The following FAM184A variants were observed in gnomAD, a reference collection of about 807,000 sequenced individuals.
FAM184A encodes family with sequence similarity 184 member A.
Under a neutral mutation model 143.8 loss-of-function variants are expected in FAM184A, and 99 were observed. The observed-to-expected ratio is 0.69, with a 90% CI of 0.58 to 0.81. The LOEUF is 0.81. Ranked by LOEUF, FAM184A falls within the 40% of genes least tolerant of loss-of-function variation. The pLI is 0.00. For missense variants in FAM184A, 1,217 were observed against 1,310.5 expected (o/e 0.93, Z 1.10); for synonymous variants, 427 against 446.4 (o/e 0.96, Z 0.55).
At chr6:119,140,696 C>A (rs1380365420) in intron 1 of FAM184A, among the ~76,000 whole-genome samples, 1 of 152,202 alleles carries the variant, frequency 6.6e-6, no homozygotes, top group Admixed American at 6.5e-5. Flanking sequence ...ACAGAGGCTG[C>A]TTCTGCCAGA....
intron 1 of FAM184A, among the ~76,000 whole-genome samples, chr6:119,099,105 C>T (rs1303486946): frequency 2.0e-5 from 3 of 152,222 alleles, no homozygotes; most frequent in African/African-American, 7.2e-5. Flanking sequence ...AGCAAAACTC[C>T]GTATCAAGAA....
intron 1 of FAM184A, among the ~76,000 whole-genome samples, chr6:119,062,653 C>G (rs573500976): frequency 2.0e-5 from 3 of 151,962 alleles, no homozygotes; most frequent in African/African-American, 7.3e-5. Flanking sequence ...GAGAGAGACC[C>G]TATCTCAAAA....
At chr6:119,112,565 C>T (rs1788960651) in intron 1 of FAM184A, among the ~76,000 whole-genome samples, 1 of 152,206 alleles carries the variant, frequency 6.6e-6, no homozygotes, top group Admixed American at 6.5e-5. Context: ...AGAGCAGTCT[C>T]CTTTATCCTT....
chr6:119,061,368 T>C (rs1261842790), intron 1 of FAM184A, among the ~76,000 whole-genome samples: 1 of 151,860 alleles, frequency 6.6e-6, no homozygotes, highest in Non-Finnish European at 1.5e-5. Context: ...TTCTTTTTTT[T>C]TAATAGAGAC....
intron 1 of FAM184A, among the ~76,000 whole-genome samples, chr6:119,065,380 A>G (rs534231162): frequency 6.6e-6 from 1 of 152,314 alleles, no homozygotes; most frequent in African/African-American, 2.4e-5. Context: ...GCTTGAATGC[A>G]ACCTCATGAG....
In FAM184A at chr6:119,016,769, C is replaced by T. The variant is rs200619083; in HGVS notation, c.1508G>A (p.Arg503Lys). The T allele has an allele frequency of 6.2e-7, 1 of 1,613,940 alleles. No individual in the cohort carries two copies. The highest frequency in any genetic ancestry group is 8.5e-7 in the Non-Finnish European group (1 of 1,179,944). ...CACCATTTGCAGTTTTTTCTTATCC[C>T]TAATTGCATTACTGTGGACAGCTTC... ...AIEAVHSNAI[R>K]DKKKLQMDLE... Residue 503 changes from arginine (R) to lysine (K), a missense_variant, in exon 5 of 18, where the codon AGG (arginine) becomes AAG (lysine). Arg to Lys is a conservative substitution (Grantham distance 26). Coordinates refer to ENST00000338891, the MANE Select transcript of FAM184A (RefSeq NM_024581.6).
chr6:118,992,789 G>A (rs1327284623), intron 9 of FAM184A, among the ~76,000 whole-genome samples: 1 of 152,102 alleles, frequency 6.6e-6, no homozygotes, highest in African/African-American at 2.4e-5. Context: ...AAATTAGCTG[G>A]CATAGTGGCA....
At chr6:119,122,938 A>G (rs1789263793) in intron 1 of FAM184A, among the ~76,000 whole-genome samples, 1 of 30,416 alleles carries the variant, frequency 3.3e-5, no homozygotes, top group African/African-American at 9.7e-5. Context: ...AAAAAAAAAA[A>G]AAAAAAAAAA....
intron 5 of FAM184A, among the ~76,000 whole-genome samples, chr6:119,012,239 A>G (rs1474775823): frequency 6.6e-6 from 1 of 152,218 alleles, no homozygotes; most frequent in Non-Finnish European, 1.5e-5. Context: ...CAAGCAGTTC[A>G]ATATTTCTGT....
chr6:118,978,007 A>G (rs1783898217), intron 11 of FAM184A, among the ~76,000 whole-genome samples: 2 of 152,188 alleles, frequency 1.3e-5, no homozygotes, highest in Admixed American at 1.3e-4. Context: ...CTTGTTGCCC[A>G]GGCTGGAATG....
At chr6:119,002,728 T>C (rs932858179) in intron 9 of FAM184A, among the ~76,000 whole-genome samples, 171 bp downstream of exon 9, 1 of 152,180 alleles carries the variant, frequency 6.6e-6, no homozygotes, top group Non-Finnish European at 1.5e-5. Flanking sequence ...TTTAGCAAAA[T>C]GTTTTATAAG....
upstream of FAM184A, among the ~76,000 whole-genome samples, chr6:119,082,195 A>T (rs888404483): frequency 6.6e-6 from 1 of 152,026 alleles, no homozygotes; most frequent in African/African-American, 2.4e-5. Flanking sequence ...CCTTCCCAGC[A>T]CTTTCCTTCT....
intron 1 of FAM184A, among the ~76,000 whole-genome samples, chr6:119,034,043 GAGAGAGAGAGAGAGA>G (rs1562482658): frequency 7.3e-4 from 17 of 23,320 alleles, no homozygotes; most frequent in Non-Finnish European, 1.1e-3. Flanking sequence ...TATATATATA[GAGAGAGAGAGAGAGA>G]GAGAGAGAGA....
intron 1 of FAM184A, among the ~76,000 whole-genome samples, chr6:119,045,631 G>A (rs1018865823): frequency 2.0e-5 from 3 of 152,146 alleles, no homozygotes; most frequent in African/African-American, 4.8e-5. Context: ...CAAAAATGGC[G>A]AGACCAGACT....
chr6:119,015,758 G>A (rs924670133), intron 5 of FAM184A, among the ~76,000 whole-genome samples: 13 of 152,370 alleles, frequency 8.5e-5, no homozygotes, highest in East Asian at 1.9e-4. Context: ...GCCCCGGTGC[G>A]GGATCCACTA....
intron 1 of FAM184A, among the ~76,000 whole-genome samples, chr6:119,122,694 G>C (rs1446431809): frequency 6.6e-6 from 1 of 151,986 alleles, no homozygotes; most frequent in Non-Finnish European, 1.5e-5. Context: ...GGCTGAAGGG[G>C]GTGGATTGCT....
intron 1 of FAM184A, among the ~76,000 whole-genome samples, chr6:119,138,856 C>T (rs867061844): frequency 2.5e-4 from 38 of 152,142 alleles, no homozygotes; most frequent in African/African-American, 8.4e-4. Flanking sequence ...TGAACTCCTG[C>T]CCTCAGGTGA....
chr6:119,123,738 T>C (rs534616843), intron 1 of FAM184A, among the ~76,000 whole-genome samples: 2 of 152,342 alleles, frequency 1.3e-5, no homozygotes, highest in Non-Finnish European at 2.9e-5. Context: ...CCATTGTTTA[T>C]GTTGACAAGT....
At chr6:119,149,066 G>T (rs1181832124) in intron 1 of FAM184A, 1 of 152,144 alleles carries the variant, frequency 6.6e-6, no homozygotes, top group Non-Finnish European at 1.5e-5. Context: ...AAGAAAGATG[G>T]AAATGTCTTA....
Sources: gnomAD v4.1 joint callset for allele counts (sites outside exome capture counted in the v4.1 genomes callset) on GRCh38, gnomAD v4.1.1 for gene constraint, MANE v1.5 for transcripts, NCBI Gene and HGNC (gene_info 2026-07-23, HGNC 2026-07-21) for gene names.